The following MCUB variants were observed in gnomAD, a reference collection of about 807,000 sequenced individuals.
The protein encoded by MCUB is mitochondrial calcium uniporter dominant negative subunit beta, also known as calcium uniporter regulatory subunit MCUb, mitochondrial.
A neutral mutation model predicts 41.4 loss-of-function variants in MCUB; 46 were observed. The ratio of observed to expected loss-of-function variants is 1.11; its 90% CI spans 0.88 to 1.42. The LOEUF (loss-of-function observed/expected upper bound fraction) is 1.42. Ranked by LOEUF, MCUB falls within the 40% of genes most tolerant of loss-of-function variation. MCUB has a pLI of 0.00. For synonymous variants in MCUB, 148 were observed against 148.2 expected, an observed-to-expected ratio of 1.00 and a Z score of 0.01; for missense variants, 403 against 404.9, an observed-to-expected ratio of 1.00 and a Z score of 0.04.
chr4:109,682,529 AC>A, intron 4 of MCUB, 52 bp from the exon 5 acceptor site: 1 of 1,462,768 alleles, frequency 6.8e-7, no homozygotes, highest in Non-Finnish European at 9.3e-7. Flanking sequence ...AGATTTACAC[AC>A]CCTGCGGGAA....
intron 1 of MCUB, among the ~76,000 whole-genome samples, chr4:109,569,549 G>T (rs576151898): frequency 3.5e-4 from 48 of 135,998 alleles, no homozygotes; most frequent in Non-Finnish European, 5.9e-4. Context: ...TGTTGCCCAG[G>T]CTGGAGTGCA....
chr4:109,580,019 T>C (rs1451129528), intron 1 of MCUB, among the ~76,000 whole-genome samples: 1 of 152,180 alleles, frequency 6.6e-6, no homozygotes, highest in African/African-American at 2.4e-5. Flanking sequence ...TCTAATGCTA[T>C]CCCTCCCCTT....
At chr4:109,581,697 C>G (rs1442743178) in intron 1 of MCUB, among the ~76,000 whole-genome samples, 1 of 152,032 alleles carries the variant, frequency 6.6e-6, no homozygotes, top group African/African-American at 2.4e-5. Flanking sequence ...AAAAAAACAA[C>G]CCCATCAAAA....
intron 1 of MCUB, among the ~76,000 whole-genome samples, chr4:109,631,350 A>G (rs1334727583): frequency 1.3e-5 from 2 of 152,152 alleles, no homozygotes; most frequent in African/African-American, 2.4e-5. Context: ...TTTCTTTTCA[A>G]CTATCACACC....
chr4:109,567,317 G>A (rs1033264739), intron 1 of MCUB, among the ~76,000 whole-genome samples: 5 of 152,066 alleles, frequency 3.3e-5, no homozygotes, highest in South Asian at 2.1e-4. Flanking sequence ...GCTGAGGAAG[G>A]AAGACTTATC....
chr4:109,598,746 C>T (rs994387064), intron 1 of MCUB, among the ~76,000 whole-genome samples: 1 of 152,196 alleles, frequency 6.6e-6, no homozygotes, highest in Non-Finnish European at 1.5e-5. Flanking sequence ...CCGAGAACAT[C>T]AAGCTGAGAC....
intron 1 of MCUB, chr4:109,560,851 A>G (rs554328528): frequency 1.3e-5 from 2 of 158,374 alleles, no homozygotes; most frequent in African/African-American, 2.4e-5. Context: ...CCGAGCCCCT[A>G]AGGAGCCCGG....
chr4:109,665,552 C>T (rs1729325874), intron 4 of MCUB, among the ~76,000 whole-genome samples: 1 of 152,146 alleles, frequency 6.6e-6, no homozygotes, highest in Non-Finnish European at 1.5e-5. Context: ...GTTATATTTG[C>T]ATTTAACCTC....
At chr4:109,687,472 TCTC>T in intron 7 of MCUB, 40 bp from the exon 8 acceptor site, 1 of 1,360,584 alleles carries the variant, frequency 7.3e-7, no homozygotes, top group Non-Finnish European at 1.0e-6. Flanking sequence ...TTGGTATGTT[TCTC>T]TTCTTTCTGA....
chr4:109,606,485 G>A (rs1727873253), intron 1 of MCUB, among the ~76,000 whole-genome samples: 1 of 151,866 alleles, frequency 6.6e-6, no homozygotes, highest in African/African-American at 2.4e-5. Flanking sequence ...CAGGTGGTAT[G>A]ATTTAATTTC....
chr4:109,601,097 G>A (rs1230607909), intron 1 of MCUB, among the ~76,000 whole-genome samples: 1 of 116,622 alleles, frequency 8.6e-6, no homozygotes, highest in Non-Finnish European at 1.9e-5. Context: ...CCGGCCTATT[G>A]TATCTTTTTT....
At chr4:109,634,236 A>C (rs987954181) in intron 1 of MCUB, among the ~76,000 whole-genome samples, 4 of 151,966 alleles carry the variant, frequency 2.6e-5, no homozygotes, top group South Asian at 4.2e-4. Context: ...TAATCCCAGC[A>C]CTTGGGGAGG....
intron 1 of MCUB, among the ~76,000 whole-genome samples, chr4:109,575,212 A>C (rs976128720): frequency 6.6e-6 from 1 of 152,202 alleles, no homozygotes; most frequent in Non-Finnish European, 1.5e-5. Flanking sequence ...AAATTAGCCT[A>C]CTGCTGTTCA....
rs1727539163 is a variant in MCUB, at chr4:109,595,698, T to C, written c.99+35262T>C. Among the ~76,000 whole-genome samples, 3 of 152,416 alleles carry C rather than the reference T, an allele frequency of 2.0e-5. No individual in the cohort carries two copies. The South Asian group carries it at 6.2e-4, about 32-fold the overall frequency. On this transcript the variant is annotated intron_variant, in intron 1 of 7. Transcript: ENST00000394650. The stretch of plus-strand genomic sequence containing the variant: ...CCATCATCACAGAAGTTCCATAGAA[T>C]AGCATTGTTTTGGTATGACTGTGGG...
At chr4:109,597,738 C>CT (rs1727607970) in intron 1 of MCUB, among the ~76,000 whole-genome samples, 2 of 142,028 alleles carry the variant, frequency 1.4e-5, no homozygotes, top group African/African-American at 6.0e-5. Context: ...GGGGGCTGAC[C>CT]CCCCCACCTC....
At chr4:109,608,925 C>T (rs544688927) in intron 1 of MCUB, among the ~76,000 whole-genome samples, 1 of 152,170 alleles carries the variant, frequency 6.6e-6, no homozygotes, top group Non-Finnish European at 1.5e-5. Context: ...CATTAGGGAG[C>T]ACCCTAAGCC....
At chr4:109,595,288 T>TA (rs1471887671) in intron 1 of MCUB, among the ~76,000 whole-genome samples, 2 of 152,198 alleles carry the variant, frequency 1.3e-5, no homozygotes, top group African/African-American at 4.8e-5. Context: ...GGGAGTGAGG[T>TA]AGTGCAGGGG....
intron 4 of MCUB, among the ~76,000 whole-genome samples, chr4:109,672,456 T>A (rs889942919): frequency 3.9e-5 from 6 of 152,216 alleles, no homozygotes; most frequent in African/African-American, 7.2e-5. Flanking sequence ...AGTTTAAGAA[T>A]TCTGGCTAGT....
chr4:109,659,821 T>G (rs1729187659), intron 2 of MCUB, among the ~76,000 whole-genome samples: 1 of 152,228 alleles, frequency 6.6e-6, no homozygotes, highest in Admixed American at 6.5e-5. Flanking sequence ...CATGCCAGAC[T>G]TAATTTTCGT....
Sources: allele counts gnomAD v4.1 joint callset (sites outside exome capture counted in the v4.1 genomes callset), GRCh38; gene constraint gnomAD v4.1.1; transcripts MANE v1.5; gene names NCBI Gene and HGNC (gene_info 2026-07-23, HGNC 2026-07-21).